FOCAD: variants seen among roughly 807,000 people sequenced by gnomAD.
The protein encoded by FOCAD is KIAA1797.
A neutral mutation model predicts 225.6 loss-of-function variants in FOCAD; 198 were observed. The observed-to-expected ratio is 0.88, with a 90% CI of 0.78 to 0.99. The LOEUF (loss-of-function observed/expected upper bound fraction) is 0.99, where lower values mean the gene tolerates loss of function less well. FOCAD is among the 50% of genes least tolerant of loss of function. The pLI, the probability that FOCAD is intolerant of heterozygous loss-of-function variation, is 0.00. For missense variants in FOCAD, 2,713 were observed against 2,123.6 expected (o/e 1.28, Z -5.46); for synonymous variants, 897 against 755.0 (o/e 1.19, Z -3.08).
intron 10 of FOCAD, chr9:20,786,976 G>A: frequency 2.1e-6 from 1 of 479,930 alleles, no homozygotes; most frequent in Non-Finnish European, 4.2e-6. Context: ...GGATTTGGTA[G>A]CTGGTGCTGA....
At chr9:20,887,856 A>C (rs1234743540) in intron 21 of FOCAD, among the ~76,000 whole-genome samples, 1 of 152,192 alleles carries the variant, frequency 6.6e-6, no homozygotes, top group Admixed American at 6.5e-5. Flanking sequence ...TGCTTGATAT[A>C]GTCAATTAAA....
At chr9:20,744,055 C>G (rs897664332) in intron 5 of FOCAD, among the ~76,000 whole-genome samples, 1 of 152,116 alleles carries the variant, frequency 6.6e-6, no homozygotes, top group Non-Finnish European at 1.5e-5. Flanking sequence ...AGCAAGCCAA[C>G]TTTGGATGCT....
intron 11 of FOCAD, among the ~76,000 whole-genome samples, chr9:20,804,151 A>G (rs987033856): frequency 6.6e-6 from 1 of 152,066 alleles, no homozygotes; most frequent in East Asian, 1.9e-4. Context: ...CCTGAGGTTT[A>G]CAAGTAGAAG....
intron 6 of FOCAD, among the ~76,000 whole-genome samples, chr9:20,760,860 T>G (rs1194989550): frequency 6.6e-6 from 1 of 152,188 alleles, no homozygotes; most frequent in Non-Finnish European, 1.5e-5. Flanking sequence ...ATTGTACCAC[T>G]GCACTTCAGC....
At chr9:20,924,970 A>T (rs900357694) in intron 25 of FOCAD, among the ~76,000 whole-genome samples, 1 of 152,172 alleles carries the variant, frequency 6.6e-6, no homozygotes, top group African/African-American at 2.4e-5. Flanking sequence ...TGAGCATTTA[A>T]CTAACCTTCA....
intron 15 of FOCAD, among the ~76,000 whole-genome samples, chr9:20,831,176 C>G (rs1825452256): frequency 6.6e-6 from 1 of 152,026 alleles, no homozygotes; most frequent in Non-Finnish European, 1.5e-5. Flanking sequence ...CTCTTGATAT[C>G]ATAATCTCGT....
At chr9:20,898,001 T>G (rs1482002560) in intron 21 of FOCAD, among the ~76,000 whole-genome samples, 20 of 151,806 alleles carry the variant, frequency 1.3e-4, no homozygotes, top group Admixed American at 1.3e-3. Context: ...AGGATCATTT[T>G]GTGGGGTACA....
At chr9:20,702,203 A>C (rs1186815749) in intron 1 of FOCAD, among the ~76,000 whole-genome samples, 2 of 152,016 alleles carry the variant, frequency 1.3e-5, no homozygotes, top group Non-Finnish European at 2.9e-5. Flanking sequence ...CCAGTGCTCA[A>C]ATGGTCCTCC....
intron 18 of FOCAD, chr9:20,874,335 T>C: frequency 5.5e-6 from 1 of 182,636 alleles, no homozygotes; most frequent in Non-Finnish European, 1.1e-5. Flanking sequence ...AGAAGTTAAA[T>C]ATATTGAGTA....
At chr9:20,944,557 C>T (rs549408321) in intron 28 of FOCAD, 70 bp from the exon 29 acceptor site, 1 of 1,538,866 alleles carries the variant, frequency 6.5e-7, no homozygotes, top group African/African-American at 1.4e-5. Flanking sequence ...CTGTAAACAC[C>T]CGTGGTAAGT....
At chr9:20,836,238 G>C (rs537511488) in intron 15 of FOCAD, among the ~76,000 whole-genome samples, 2 of 152,036 alleles carry the variant, frequency 1.3e-5, no homozygotes, top group African/African-American at 2.4e-5. Flanking sequence ...ATTTTTTAGC[G>C]TGGTAAATAT....
intron 40 of FOCAD, among the ~76,000 whole-genome samples, chr9:20,987,912 G>C (rs567185432): frequency 6.6e-6 from 1 of 152,118 alleles, no homozygotes; most frequent in Non-Finnish European, 1.5e-5. Context: ...CATGTCTTTG[G>C]GTTAGGTTTC....
rs182589825 is a variant in FOCAD, at chr9:20,784,934, T to C, written c.1197+3005T>C. 1.5e-3 allele frequency among the ~76,000 whole-genome samples: 233 copies of C among 152,224 alleles called. 4 individuals are homozygous for C. The highest frequency in any genetic ancestry group is 5.2e-3 in the African/African-American group (218 of 41,536). ...ATAGATGTCTTTTCTTTCTTTCTTT[T>C]TTTTTTTAATCTATTTCCAGCTGTG... On this transcript the variant is annotated intron_variant, in intron 10 of 43. Transcript: ENST00000338382.
In FOCAD at chr9:20,712,326, G is replaced by T. The variant is rs201340589; in HGVS notation, c.-32-2996G>T. 1.6e-4 allele frequency among the ~76,000 whole-genome samples: 24 copies of T among 152,188 alleles called. No individual in the cohort carries two copies. In the East Asian group the frequency reaches 4.3e-3, roughly 27 times the overall value. On this transcript the variant is annotated intron_variant, in intron 1 of 43. Coordinates refer to ENST00000338382, the MANE Select transcript of FOCAD (RefSeq NM_001375567.1). The stretch of plus-strand genomic sequence containing the variant: ...TAAGAAGTAACATAGAAATTATATT[G>T]TTCCATGTGTAAAATGGCCAAAGGA...
chr9:20,926,248 A>G (rs1834931708), intron 25 of FOCAD, 53 bp from the exon 26 acceptor site: 1 of 1,081,896 alleles, frequency 9.2e-7, no homozygotes, highest in Admixed American at 1.8e-5. Context: ...ATTTAGAAAT[A>G]TCTTTAGATT....
In FOCAD at chr9:20,898,492, C is replaced by T. The variant is rs148306913; in HGVS notation, c.2626-8658C>T. On this transcript the variant is annotated intron_variant, in intron 21 of 43. Coordinates refer to ENST00000338382, the MANE Select transcript of FOCAD (RefSeq NM_001375567.1). ...ATATCCTCAAGATCAGAGATTATCT[C>T]CTCAGTTGTGTCCAGTCTGTTAATA... 2.5e-3 allele frequency among the ~76,000 whole-genome samples: 374 copies of T among 151,970 alleles called. 10 individuals are homozygous for T. The East Asian group carries it at 0.045, about 18-fold the overall frequency.
intron 4 of FOCAD, among the ~76,000 whole-genome samples, chr9:20,733,968 A>G (rs762340659): frequency 5.8e-4 from 88 of 152,190 alleles, no homozygotes; most frequent in Non-Finnish European, 3.1e-4. Flanking sequence ...CTATGATTGC[A>G]CCACTGTGCT....
At chr9:20,657,272 C>T (rs1425159732), upstream of FOCAD, among the ~76,000 whole-genome samples, 12 of 131,864 alleles carry the variant, frequency 9.1e-5, no homozygotes, top group Admixed American at 3.1e-4. Context: ...TTGCTCTTCT[C>T]GAGGAGTATC....
intron 10 of FOCAD, among the ~76,000 whole-genome samples, chr9:20,783,517 T>C (rs1318043623): frequency 6.6e-6 from 1 of 152,080 alleles, no homozygotes; most frequent in Non-Finnish European, 1.5e-5. Context: ...CTGCCTGAAC[T>C]ATTCATCCTT....
Sources: allele counts gnomAD v4.1 joint callset (sites outside exome capture counted in the v4.1 genomes callset), GRCh38; gene constraint gnomAD v4.1.1; transcripts MANE v1.5; gene names NCBI Gene and HGNC (gene_info 2026-07-23, HGNC 2026-07-21).